The following BCKDHB variants were observed in gnomAD, a reference collection of about 807,000 sequenced individuals.
BCKDHB encodes the protein branched chain keto acid dehydrogenase E1 subunit beta.
BCKDHB carries 41 observed loss-of-function variants against 48.5 expected under a neutral mutation model. The ratio of observed to expected loss-of-function variants is 0.85; its 90% CI spans 0.66 to 1.10. The LOEUF is 1.10. Among genes scored for constraint, BCKDHB ranks in the 50% least tolerant of loss-of-function variants. BCKDHB has a pLI of 0.00. For missense variants in BCKDHB, 496 were observed against 494.2 expected (o/e 1.00, Z -0.03); for synonymous variants, 201 against 174.8 (o/e 1.15, Z -1.18).
the BCKDHB span, among the ~76,000 whole-genome samples, chr6:80,416,777 T>G: frequency 4.6e-5 from 7 of 151,440 alleles, no homozygotes; most frequent in East Asian, 7.7e-4. Flanking sequence ...TATTTTTATT[T>G]TTTTTAATTT....
the BCKDHB span, among the ~76,000 whole-genome samples, chr6:80,423,970 C>T: frequency 1.3e-5 from 2 of 152,054 alleles, no homozygotes; most frequent in African/African-American, 4.8e-5. Context: ...TTGCAGTGTC[C>T]CAGTTGCTAT....
At chr6:80,384,960 T>A in the BCKDHB span, among the ~76,000 whole-genome samples, 1 of 152,172 alleles carries the variant, frequency 6.6e-6, no homozygotes, top group East Asian at 1.9e-4. Flanking sequence ...TGGAGAACAC[T>A]GATAGTCCTT....
At chr6:80,136,587 A>G (rs1409421869) in intron 3 of BCKDHB, among the ~76,000 whole-genome samples, 1 of 152,162 alleles carries the variant, frequency 6.6e-6, no homozygotes, top group African/African-American at 2.4e-5. Context: ...ATAGGCAACA[A>G]TAAAAATAGA....
chr6:80,166,302 C>T (rs751767996), intron 3 of BCKDHB, among the ~76,000 whole-genome samples: 1 of 151,892 alleles, frequency 6.6e-6, no homozygotes, highest in Non-Finnish European at 1.5e-5. Flanking sequence ...TTTAAAATAC[C>T]ACTTTCTAAT....
intron 8 of BCKDHB, among the ~76,000 whole-genome samples, chr6:80,241,044 C>A (rs935607952): frequency 6.6e-6 from 1 of 152,086 alleles, no homozygotes; most frequent in African/African-American, 2.4e-5. Flanking sequence ...ATCGAATCGG[C>A]CACTGAAGCT....
intron 9 of BCKDHB, among the ~76,000 whole-genome samples, chr6:80,318,533 A>T (rs781344086): frequency 3.9e-5 from 6 of 151,968 alleles, no homozygotes; most frequent in Non-Finnish European, 8.8e-5. Flanking sequence ...AAAAATATAA[A>T]AATTAGCCGG....
chr6:80,249,924 A>G (rs1490622453), intron 8 of BCKDHB, among the ~76,000 whole-genome samples: 2 of 152,142 alleles, frequency 1.3e-5, no homozygotes, highest in Non-Finnish European at 2.9e-5. Context: ...ACCTGCCTGT[A>G]TGTGTGTTGC....
At chr6:80,464,796 T>C in the BCKDHB span, among the ~76,000 whole-genome samples, 3 of 152,330 alleles carry the variant, frequency 2.0e-5, no homozygotes, top group Middle Eastern at 3.4e-3. Context: ...AGGTAAGAAT[T>C]AAGTGCTAGT....
chr6:80,391,395 C>G, the BCKDHB span, among the ~76,000 whole-genome samples: 1 of 152,070 alleles, frequency 6.6e-6, no homozygotes, highest in Non-Finnish European at 1.5e-5. Context: ...TAAATGCAGT[C>G]ATGCAAGAGA....
intron 8 of BCKDHB, among the ~76,000 whole-genome samples, chr6:80,247,373 T>C (rs1394255368): frequency 6.6e-6 from 1 of 152,234 alleles, no homozygotes; most frequent in Non-Finnish European, 1.5e-5. Context: ...TACCTAGACC[T>C]GAGTTATTTC....
At chr6:80,144,473 C>G (rs1008209227) in intron 3 of BCKDHB, among the ~76,000 whole-genome samples, 6 of 152,116 alleles carry the variant, frequency 3.9e-5, no homozygotes, top group Admixed American at 3.9e-4. Flanking sequence ...ATTTAATGCA[C>G]TAGTTGTGTT....
chr6:80,225,118 G>A (rs1036591018), intron 8 of BCKDHB, among the ~76,000 whole-genome samples: 18 of 152,054 alleles, frequency 1.2e-4, no homozygotes, highest in African/African-American at 1.7e-4. Flanking sequence ...CATTCCATCC[G>A]TTCCTTTCAG....
intron 3 of BCKDHB, among the ~76,000 whole-genome samples, chr6:80,164,759 G>T: frequency 6.6e-6 from 1 of 152,056 alleles, no homozygotes; most frequent in South Asian, 2.1e-4. Context: ...CTTAAACCCA[G>T]GTCTTTCTTG....
chr6:80,181,198 A>G (rs1286082240), intron 6 of BCKDHB, among the ~76,000 whole-genome samples: 2 of 152,204 alleles, frequency 1.3e-5, no homozygotes, highest in African/African-American at 4.8e-5. Context: ...ATCCTTAACT[A>G]CAGTGAGGTA....
intron 9 of BCKDHB, among the ~76,000 whole-genome samples, chr6:80,309,447 T>C (rs957498122): frequency 2.0e-5 from 3 of 152,236 alleles, no homozygotes; most frequent in Admixed American, 1.3e-4. Context: ...TCTCATACTT[T>C]CTACAGTCTC....
At chr6:80,405,052 A>G in the BCKDHB span, among the ~76,000 whole-genome samples, 1 of 152,036 alleles carries the variant, frequency 6.6e-6, no homozygotes, top group Admixed American at 6.6e-5. Flanking sequence ...CTTTGGGTCC[A>G]TTTCCTCTAT....
intron 7 of BCKDHB, among the ~76,000 whole-genome samples, chr6:80,201,598 C>T (rs555329317): frequency 9.9e-5 from 15 of 152,254 alleles, no homozygotes; most frequent in African/African-American, 3.4e-4. Context: ...CATCACATTT[C>T]CTGCCATCTC....
At chr6:80,258,450 C>G (rs1777150402) in intron 8 of BCKDHB, among the ~76,000 whole-genome samples, 1 of 152,224 alleles carries the variant, frequency 6.6e-6, no homozygotes, top group South Asian at 2.1e-4. Flanking sequence ...AAAGCATCAA[C>G]CTTATAAACA....
intron 8 of BCKDHB, among the ~76,000 whole-genome samples, chr6:80,270,869 A>G (rs1392014538): frequency 2.6e-5 from 4 of 152,126 alleles, no homozygotes; most frequent in Non-Finnish European, 5.9e-5. Flanking sequence ...CTAAGATATC[A>G]CAAAAACATT....
Sources: allele counts gnomAD v4.1 joint callset (sites outside exome capture counted in the v4.1 genomes callset), GRCh38; gene constraint gnomAD v4.1.1; transcripts MANE v1.5; gene names NCBI Gene and HGNC (gene_info 2026-07-23, HGNC 2026-07-21).